The following SUGCT variants were observed in gnomAD, a reference collection of about 807,000 sequenced individuals.
The protein encoded by SUGCT is succinyl-CoA:glutarate-CoA transferase.
In SUGCT, 41 loss-of-function variants were observed where a neutral mutation model predicts 55.0. That is an observed-to-expected ratio of 0.74 (90% CI 0.58 to 0.97). The LOEUF (loss-of-function observed/expected upper bound fraction) is 0.97, where lower values mean the gene tolerates loss of function less well. Ranked by LOEUF, SUGCT falls within the 50% of genes least tolerant of loss-of-function variation. The pLI is 0.00. For synonymous variants in SUGCT, 187 were observed against 200.4 expected (o/e 0.93, Z 0.56); for missense variants, 568 against 547.8 (o/e 1.04, Z -0.37).
At chr7:40,952,386 A>G in the SUGCT span, among the ~76,000 whole-genome samples, 1 of 152,146 alleles carries the variant, frequency 6.6e-6, no homozygotes, top group African/African-American at 2.4e-5. Context: ...CAGCACACTG[A>G]TAGATCTTGA....
chr7:40,347,002 T>C (rs1176518017), intron 9 of SUGCT, among the ~76,000 whole-genome samples: 1 of 152,182 alleles, frequency 6.6e-6, no homozygotes, highest in African/African-American at 2.4e-5. Context: ...CCAAGTACAC[T>C]AACACAGATT....
At chr7:40,657,827 C>T (rs1244088979) in intron 12 of SUGCT, among the ~76,000 whole-genome samples, 4 of 152,194 alleles carry the variant, frequency 2.6e-5, no homozygotes, top group Non-Finnish European at 4.4e-5. Context: ...AGCCACTGCG[C>T]CCGGCCATGA....
At chr7:40,248,556 A>G (rs1790069793) in intron 7 of SUGCT, among the ~76,000 whole-genome samples, 1 of 151,562 alleles carries the variant, frequency 6.6e-6, no homozygotes, top group Admixed American at 6.6e-5. Flanking sequence ...CTACATGCGC[A>G]ATTATTATTG....
rs1787207334 is a variant in SUGCT, at chr7:40,419,763, TCTGACACGTA to T, written c.817-29523_817-29514del. On this transcript the variant is annotated intron_variant, in intron 9 of 13. Coordinates refer to ENST00000335693, the MANE Select transcript of SUGCT (RefSeq NM_001193313.2). The stretch of plus-strand genomic sequence containing the variant: ...CTATTCATTGACTTGGAGTGTTATC[TCTGACACGTA>T]GCCTAACCTGCTTCTTTGTTTTGTC... Among the ~76,000 whole-genome samples, 4 of 152,228 alleles carry T rather than the reference TCTGACACGTA, an allele frequency of 2.6e-5. No homozygotes were observed. In the South Asian group the frequency reaches 8.3e-4, roughly 31 times the overall value.
chr7:40,154,127 A>C, intron 1 of SUGCT: 2 of 221,146 alleles, frequency 9.0e-6, no homozygotes, highest in Non-Finnish European at 9.7e-6. Flanking sequence ...TTCATCCTTC[A>C]GAACAAGATG....
chr7:40,383,179 T>G (rs1168972183), intron 9 of SUGCT, among the ~76,000 whole-genome samples: 1 of 152,156 alleles, frequency 6.6e-6, no homozygotes, highest in African/African-American at 2.4e-5. Flanking sequence ...GCAAGGGGTA[T>G]GGGGACTTGT....
chr7:40,410,301 A>T (rs1050485564), intron 9 of SUGCT, among the ~76,000 whole-genome samples: 2 of 152,072 alleles, frequency 1.3e-5, no homozygotes, highest in Non-Finnish European at 2.9e-5. Context: ...TGTCTTGAAT[A>T]CTACAATATT....
At chr7:41,038,618 C>T in the SUGCT span, among the ~76,000 whole-genome samples, 1 of 152,178 alleles carries the variant, frequency 6.6e-6, no homozygotes, top group Non-Finnish European at 1.5e-5. Context: ...GGAGGATCAC[C>T]CTGCTGTGGG....
the SUGCT span, among the ~76,000 whole-genome samples, chr7:40,963,840 G>T: frequency 1.3e-5 from 2 of 152,266 alleles, no homozygotes; most frequent in South Asian, 4.1e-4. Context: ...GTTTCATGCT[G>T]TTCAGTATTT....
At chr7:40,493,685 T>C (rs1362384488) in intron 11 of SUGCT, among the ~76,000 whole-genome samples, 1 of 152,246 alleles carries the variant, frequency 6.6e-6, no homozygotes, top group African/African-American at 2.4e-5. Context: ...GTTCACTTGC[T>C]AAGCTGGATC....
Position 40,302,975 on chromosome 7 carries a change from C to A in SUGCT, c.721-13785C>A, listed in dbSNP as rs190066161. On this transcript the variant is annotated intron_variant, in intron 8 of 13. Coordinates refer to ENST00000335693, the MANE Select transcript of SUGCT (RefSeq NM_001193313.2). ...CGACACCTTTAAATAAATACCCCTT[C>A]CCCAAACAAACAATCCCACTCTATT... Among the ~76,000 whole-genome samples the A allele has an allele frequency of 3.1e-3, 471 of 152,266 alleles. 3 individuals carry two copies. Among genetic ancestry groups the A allele is most frequent in the Middle Eastern group, 0.017 (5 of 294 alleles).
intron 6 of SUGCT, among the ~76,000 whole-genome samples, chr7:40,235,131 A>G (rs931843669): frequency 6.6e-6 from 1 of 152,054 alleles, no homozygotes; most frequent in Admixed American, 6.5e-5. Flanking sequence ...TTAATCATCA[A>G]TAATTATAAT....
chr7:40,905,782 G>T, the SUGCT span, among the ~76,000 whole-genome samples: 2 of 151,232 alleles, frequency 1.3e-5, no homozygotes, highest in Non-Finnish European at 2.9e-5. Flanking sequence ...GCAGTGGTGC[G>T]ATCATAGTTC....
At chr7:40,284,238 G>A (rs986627466) in intron 8 of SUGCT, among the ~76,000 whole-genome samples, 1 of 152,052 alleles carries the variant, frequency 6.6e-6, no homozygotes, top group Non-Finnish European at 1.5e-5. Context: ...ACAGCAAGGT[G>A]ACTAGAGTTA....
At chr7:40,290,511 G>C (rs1793673164) in intron 8 of SUGCT, among the ~76,000 whole-genome samples, 1 of 152,092 alleles carries the variant, frequency 6.6e-6, no homozygotes, top group African/African-American at 2.4e-5. Context: ...AATTCAAGAT[G>C]GATTAAAGAC....
chr7:40,219,409 T>C (rs1375404195), intron 6 of SUGCT, among the ~76,000 whole-genome samples: 1 of 152,262 alleles, frequency 6.6e-6, no homozygotes, highest in Non-Finnish European at 1.5e-5. Flanking sequence ...TTCAAAATTA[T>C]TATTTGCTCT....
intron 9 of SUGCT, among the ~76,000 whole-genome samples, chr7:40,333,628 C>T (rs1348509857): frequency 1.2e-5 from 1 of 83,720 alleles, no homozygotes; most frequent in Non-Finnish European, 2.1e-5. Context: ...CAGGGCGAGA[C>T]TCTGTCTCAA....
chr7:40,742,576 C>T (rs1787521185), intron 12 of SUGCT, among the ~76,000 whole-genome samples: 2 of 152,168 alleles, frequency 1.3e-5, no homozygotes, highest in Admixed American at 6.5e-5. Context: ...AGCTGTAATG[C>T]TCCTTGCCCA....
At chr7:40,660,275 T>A (rs2151852991) in intron 12 of SUGCT, among the ~76,000 whole-genome samples, 1 of 152,230 alleles carries the variant, frequency 6.6e-6, no homozygotes, top group East Asian at 1.9e-4. Context: ...TTGTTGTTGT[T>A]TGAGATGGAG....
Sources: allele counts gnomAD v4.1 joint callset (sites outside exome capture counted in the v4.1 genomes callset), GRCh38; gene constraint gnomAD v4.1.1; transcripts MANE v1.5; gene names NCBI Gene and HGNC (gene_info 2026-07-23, HGNC 2026-07-21).